TRPC5: variants seen among roughly 807,000 people sequenced by gnomAD.
The protein encoded by TRPC5 is transient receptor potential cation channel subfamily C member 5.
In TRPC5, 9 loss-of-function variants were observed where a neutral mutation model predicts 56.5. The observed-to-expected ratio is 0.16, with a 90% CI of 0.10 to 0.28. The LOEUF (loss-of-function observed/expected upper bound fraction) is 0.28, where lower values mean the gene tolerates loss of function less well. Among genes scored for constraint, TRPC5 ranks in the 10% least tolerant of loss-of-function variants. TRPC5 has a pLI of 1.00. For missense variants in TRPC5, 469 were observed against 748.9 expected (o/e 0.63, Z 4.36); for synonymous variants, 282 against 278.5 (o/e 1.01, Z -0.13).
At chrX:112,059,963 G>A (rs1930426051) in intron 1 of TRPC5, among the ~76,000 whole-genome samples, 1 of 111,850 alleles carries the variant, frequency 8.9e-6, no homozygotes, top group African/African-American at 3.2e-5. Context: ...TGATTGATTT[G>A]CAACATTTAA....
chrX:111,776,959 T>C lies in TRPC5; in HGVS notation c.2276A>G (p.Asp759Gly). 8.6e-7 allele frequency: 1 copy of C among 1,168,152 alleles called. No homozygotes were observed. The highest frequency in any genetic ancestry group is 1.1e-6 in the Non-Finnish European group (1 of 873,982). Residue 759 changes from aspartate (D) to glycine (G), a missense_variant, in exon 11 of 11, where the codon GAC becomes GGC. Around this residue, in one of 3 missense-constraint regions of TRPC5, gnomAD observed 194 missense variants for 221.8 expected, o/e 0.87. Coordinates refer to ENST00000262839, the MANE Select transcript of TRPC5 (RefSeq NM_012471.3). ...TGGATGTTTTCTATTTCCCAAGAGG[T>C]CAAGCACTTCATACCGAAAGCTGGA... Reference protein sequence around the residue: ...DISSFRYEVLDLLGNRKHPRS... With the variant: ...DISSFRYEVLGLLGNRKHPRS...
At chrX:112,000,627 G>A (rs1023881052) in intron 1 of TRPC5, among the ~76,000 whole-genome samples, 1 of 111,555 alleles carries the variant, frequency 9.0e-6, no homozygotes, top group African/African-American at 3.3e-5. Context: ...TCTTCCTAGG[G>A]TTGTTGCGAC....
intron 1 of TRPC5, among the ~76,000 whole-genome samples, chrX:111,962,813 T>A (rs1054840804): frequency 8.9e-6 from 1 of 112,014 alleles, no homozygotes; most frequent in African/African-American, 3.2e-5. Flanking sequence ...GCAAACTTAA[T>A]TGTTGTCTTA....
chrX:112,032,679 C>A (rs1929618860), intron 1 of TRPC5, among the ~76,000 whole-genome samples: 1 of 112,197 alleles, frequency 8.9e-6, no homozygotes. Context: ...CTATGTTTAA[C>A]TTCCTGAAGA....
At chrX:112,057,446 T>A (rs1930367648) in intron 1 of TRPC5, among the ~76,000 whole-genome samples, 1 of 112,017 alleles carries the variant, frequency 8.9e-6, no homozygotes, top group Non-Finnish European at 1.9e-5. Context: ...TTTATTATTA[T>A]TCCTGGAGAC....
intron 1 of TRPC5, among the ~76,000 whole-genome samples, chrX:112,077,978 G>A (rs767205282): frequency 9.0e-6 from 1 of 111,007 alleles, no homozygotes; most frequent in East Asian, 2.8e-4. Context: ...TTCTGAGACT[G>A]AGTATACTAA....
chrX:111,996,763 G>A (rs1357064433), intron 1 of TRPC5, among the ~76,000 whole-genome samples: 1 of 111,645 alleles, frequency 9.0e-6, no homozygotes, highest in Non-Finnish European at 1.9e-5. Flanking sequence ...GATCTTTGTT[G>A]GTTTAAAGTC....
chrX:111,803,804 T>C (rs1921400894), intron 7 of TRPC5, among the ~76,000 whole-genome samples: 2 of 112,119 alleles, frequency 1.8e-5, no homozygotes, highest in African/African-American at 6.5e-5. Flanking sequence ...GTAGGTTGCC[T>C]GTTCAATGTG....
chrX:111,863,204 T>G (rs1451800439), intron 3 of TRPC5, among the ~76,000 whole-genome samples: 1 of 111,158 alleles, frequency 9.0e-6, no homozygotes, highest in African/African-American at 3.3e-5. Context: ...ATCAGGTTAC[T>G]TTTTTTGGCA....
At chrX:111,998,385 C>T (rs1325238643) in intron 1 of TRPC5, among the ~76,000 whole-genome samples, 12 of 111,858 alleles carry the variant, frequency 1.1e-4, no homozygotes, top group African/African-American at 3.2e-4. Context: ...TATCTACCAC[C>T]TCAAACTTAT....
intron 7 of TRPC5, among the ~76,000 whole-genome samples, chrX:111,812,589 T>C (rs1028694844): frequency 4.5e-5 from 5 of 111,724 alleles, no homozygotes; most frequent in Non-Finnish European, 9.4e-5. Context: ...GTGTTCTGTA[T>C]AGTTCTGGGT....
At chrX:111,936,797 A>G (rs1225498771) in intron 2 of TRPC5, among the ~76,000 whole-genome samples, 1 of 96,548 alleles carries the variant, frequency 1.0e-5, no homozygotes, top group Non-Finnish European at 2.1e-5. Flanking sequence ...TAGTGCCGCA[A>G]TAAACATACG....
At chrX:111,899,148 A>G (rs1925216750) in intron 3 of TRPC5, among the ~76,000 whole-genome samples, 1 of 110,222 alleles carries the variant, frequency 9.1e-6, no homozygotes, top group Non-Finnish European at 1.9e-5. Flanking sequence ...ATAAAAAATA[A>G]AAAAAAAGCT....
At chrX:111,981,994 C>T (rs1173434608) in intron 1 of TRPC5, among the ~76,000 whole-genome samples, 1 of 111,087 alleles carries the variant, frequency 9.0e-6, no homozygotes, top group African/African-American at 3.3e-5. Flanking sequence ...AGTGAGTTAT[C>T]ACAAGATCTG....
chrX:111,805,633 G>A (rs928240337), intron 7 of TRPC5, among the ~76,000 whole-genome samples: 3 of 111,359 alleles, frequency 2.7e-5, no homozygotes, highest in African/African-American at 6.5e-5. Flanking sequence ...ATGCCAGTTA[G>A]GCTAAATTAC....
intron 4 of TRPC5, among the ~76,000 whole-genome samples, chrX:111,853,071 T>C (rs745424580): frequency 8.9e-6 from 1 of 112,080 alleles, no homozygotes; most frequent in African/African-American, 3.2e-5. Flanking sequence ...TCTCAGACTT[T>C]AAAGTACATG....
At chrX:111,995,021 G>C (rs1466289460) in intron 1 of TRPC5, among the ~76,000 whole-genome samples, 3 of 111,956 alleles carry the variant, frequency 2.7e-5, no homozygotes, top group African/African-American at 9.7e-5. Flanking sequence ...AGTGGTGAGA[G>C]AGGGCATCCT....
At chrX:111,868,005 A>G (rs956266767) in intron 3 of TRPC5, among the ~76,000 whole-genome samples, 11 of 112,474 alleles carry the variant, frequency 9.8e-5, no homozygotes, top group African/African-American at 3.2e-4. Context: ...TATTACATCC[A>G]TTTTACAGAT....
chrX:112,065,886 A>AT (rs1180711559), intron 1 of TRPC5, among the ~76,000 whole-genome samples: 1 of 109,809 alleles, frequency 9.1e-6, no homozygotes, highest in Non-Finnish European at 1.9e-5. Context: ...AGAAAAAAAA[A>AT]AAAAGTTGGC....
Sources: allele counts gnomAD v4.1 joint callset (sites outside exome capture counted in the v4.1 genomes callset), GRCh38; gene constraint gnomAD v4.1.1; regional missense constraint gnomAD v4.1.1; transcripts MANE v1.5; gene names NCBI Gene and HGNC (gene_info 2026-07-23, HGNC 2026-07-21).